The following P2RX7 variants were observed in gnomAD, a reference collection of about 807,000 sequenced individuals.
P2RX7 encodes purinergic receptor P2X 7.
P2RX7 carries 62 observed loss-of-function variants against 71.6 expected under a neutral mutation model. The ratio of observed to expected loss-of-function variants is 0.87; its 90% CI spans 0.71 to 1.07. The LOEUF (loss-of-function observed/expected upper bound fraction) is 1.07, where lower values mean the gene tolerates loss of function less well. P2RX7 is among the 50% of genes least tolerant of loss of function. The probability of loss-of-function intolerance (pLI) is 0.00; values close to 1 mark genes in which losing one functional copy is unlikely to be tolerated. For synonymous variants in P2RX7, 299 were observed against 283.3 expected, an observed-to-expected ratio of 1.06 and a Z score of -0.56; for missense variants, 686 against 748.5, an observed-to-expected ratio of 0.92 and a Z score of 0.97.
intron 1 of P2RX7, among the ~76,000 whole-genome samples, chr12:121,142,423 T>G (rs1875113594): frequency 6.6e-6 from 1 of 152,124 alleles, no homozygotes; most frequent in East Asian, 1.9e-4. Context: ...ACACAACGCA[T>G]TGTTCTCATG....
chr12:121,144,466 G>A (rs1265798461), intron 1 of P2RX7, among the ~76,000 whole-genome samples: 1 of 152,170 alleles, frequency 6.6e-6, no homozygotes. Context: ...CCAAAGTTCT[G>A]GGATTACAGG....
chr12:121,185,862 A>T lies in P2RX7; in HGVS notation c.*1060A>T, dbSNP rs201693411. ...CTTAAAGTCAGGAGTCCAAGACCAG[A>T]CTCGCCAACATGGTGAAACCGTATC... On this transcript the variant is annotated 3_prime_UTR_variant, in exon 13 of 13. Transcript: ENST00000328963. 1.4e-4 allele frequency: 21 copies of T among 151,968 alleles called. No individual in the cohort carries two copies. Among genetic ancestry groups the T allele is most frequent in the African/African-American group, 4.6e-4 (19 of 41,328 alleles). The allele number at this position is 151,968 out of a possible 1,614,324, so 9.4% of individuals were successfully genotyped here. A position where few individuals can be genotyped will look rare whatever the true frequency, so the allele number is the denominator to read the frequency against.
chr12:121,184,508 C>T lies in P2RX7; in HGVS notation c.1494C>T (p.Cys498=), dbSNP rs1295253883. ...PESHRCLEEL[C]CRKKPGACIT... is the part of the protein sequence containing the mutation. Reference sequence around the variant, plus strand: ...GCCACAGGTGCCTGGAGGAGCTGTGCTGCCGGAAAAAGCCGGGGGCCTGCA... The same window carrying T: ...GCCACAGGTGCCTGGAGGAGCTGTGTTGCCGGAAAAAGCCGGGGGCCTGCA... Residue 498 remains cysteine, a synonymous_variant, in exon 13 of 13, where the codon TGC becomes TGT. Coordinates refer to ENST00000328963, the MANE Select transcript of P2RX7 (RefSeq NM_002562.6). 6.2e-7 allele frequency: 1 copy of T among 1,614,200 alleles called. No individual in the cohort carries two copies. The highest frequency in any genetic ancestry group is 8.5e-7 in the Non-Finnish European group (1 of 1,180,030).
At chr12:121,164,834 A>G (rs528050840) in intron 5 of P2RX7, among the ~76,000 whole-genome samples, 30 of 152,032 alleles carry the variant, frequency 2.0e-4, no homozygotes, top group African/African-American at 7.0e-4. Flanking sequence ...ATACTTTACG[A>G]AAAAAAAGAG....
intron 1 of P2RX7, among the ~76,000 whole-genome samples, chr12:121,138,363 T>C (rs541636760): frequency 6.6e-6 from 1 of 152,374 alleles, no homozygotes; most frequent in Non-Finnish European, 1.5e-5. Context: ...AACAAGTCTT[T>C]CCTGATAGCT....
intron 5 of P2RX7, among the ~76,000 whole-genome samples, chr12:121,163,504 C>T (rs922536605): frequency 4.0e-5 from 6 of 151,752 alleles, no homozygotes; most frequent in Admixed American, 3.3e-4. Context: ...CTATTGAGTA[C>T]ATGAAATGCG....
intron 3 of P2RX7, among the ~76,000 whole-genome samples, chr12:121,157,420 A>G (rs1246296392): frequency 6.6e-6 from 1 of 152,232 alleles, no homozygotes; most frequent in East Asian, 1.9e-4. Context: ...CACTCCGTCT[A>G]AAAGGAGAGC....
chr12:121,173,891 C>T (rs1882618869), intron 8 of P2RX7, among the ~76,000 whole-genome samples: 1 of 152,086 alleles, frequency 6.6e-6, no homozygotes, highest in African/African-American at 2.4e-5. Flanking sequence ...ACAACTTCAG[C>T]CTTGGGAGGC....
chr12:121,169,620 G>C (rs1326563411), intron 8 of P2RX7, among the ~76,000 whole-genome samples: 2 of 152,124 alleles, frequency 1.3e-5, no homozygotes, highest in African/African-American at 2.4e-5. Flanking sequence ...TAAAACTTGA[G>C]ACAGGCCAGG....
At chr12:121,136,111 TTA>T (rs1335629514) in intron 1 of P2RX7, among the ~76,000 whole-genome samples, 1 of 143,822 alleles carries the variant, frequency 7.0e-6, no homozygotes, top group Non-Finnish European at 1.5e-5. Context: ...TTTTATATAT[TTA>T]TATATATTTA....
intron 11 of P2RX7, among the ~76,000 whole-genome samples, chr12:121,179,936 G>A (rs1001531408): frequency 1.3e-5 from 2 of 151,810 alleles, no homozygotes; most frequent in Non-Finnish European, 2.9e-5. Context: ...GATCAACTGA[G>A]GTCAGGAGTT....
In P2RX7 at chr12:121,162,530, A is replaced by T; in HGVS notation, c.533+10A>T. Reference sequence around the variant, plus strand: ...TGGAAGAGGCCCCCCGGTGAGTCGCATGGGGAGACAGACACAGTGGCCCTC... The same window carrying T: ...TGGAAGAGGCCCCCCGGTGAGTCGCTTGGGGAGACAGACACAGTGGCCCTC... On this transcript the variant is annotated intron_variant, in intron 5 of 12. Transcript: ENST00000328963. 6.2e-7 allele frequency: 1 copy of T among 1,611,350 alleles called. No individual in the cohort carries two copies. Among genetic ancestry groups the T allele is most frequent in the Non-Finnish European group, 8.5e-7 (1 of 1,179,874 alleles).
intron 5 of P2RX7, among the ~76,000 whole-genome samples, chr12:121,163,865 C>T (rs1429092995): frequency 1.3e-5 from 2 of 152,170 alleles, no homozygotes; most frequent in Non-Finnish European, 2.9e-5. Context: ...CCCTCAGCAT[C>T]GTGGGGCAAA....
chr12:121,163,696 G>A (rs555401915), intron 5 of P2RX7, among the ~76,000 whole-genome samples: 8 of 152,220 alleles, frequency 5.3e-5, no homozygotes, highest in East Asian at 3.9e-4. Flanking sequence ...GGGCTCAAGC[G>A]ATCCTCCTGC....
At chr12:121,144,399 T>C (rs1311387183) in intron 1 of P2RX7, among the ~76,000 whole-genome samples, 2 of 152,226 alleles carry the variant, frequency 1.3e-5, no homozygotes, top group Non-Finnish European at 2.9e-5. Context: ...GGTCTCACCA[T>C]GTTGGCCAAG....
intron 2 of P2RX7, 73 bp downstream of exon 2, chr12:121,155,026 GAT>G: frequency 6.3e-7 from 1 of 1,586,416 alleles, no homozygotes. Flanking sequence ...CTTCCCCTAG[GAT>G]CTACAGCCTC....
At position 121,155,456 on chromosome 12, in the gene P2RX7, G is replaced by T. The variant is rs1429153933; in HGVS notation, c.294+503G>T. Reference sequence around the variant, plus strand: ...ACTGAGAGAAGGCGTGTGACTTCTAGATTTGCAAGCAGGGAAAATGAAAGC... The same window carrying T: ...ACTGAGAGAAGGCGTGTGACTTCTATATTTGCAAGCAGGGAAAATGAAAGC... On this transcript the variant is annotated intron_variant, in intron 2 of 12. Coordinates refer to ENST00000328963, the MANE Select transcript of P2RX7 (RefSeq NM_002562.6). 3.4e-5 allele frequency: 39 copies of T among 1,157,434 alleles called. 1 individual carries two copies. The highest frequency in any genetic ancestry group is 4.4e-5 in the Non-Finnish European group (38 of 871,012). The allele number at this position is 1,157,434 out of a possible 1,614,324, so 71.7% of individuals were successfully genotyped here. A position where few individuals can be genotyped will look rare whatever the true frequency, so the allele number is the denominator to read the frequency against.
At chr12:121,167,878 T>A (rs1701243101) in intron 8 of P2RX7, among the ~76,000 whole-genome samples, 1 of 151,830 alleles carries the variant, frequency 6.6e-6, no homozygotes, top group Admixed American at 6.6e-5. Context: ...AGTGGCGCCA[T>A]CTCAGTCACT....
chr12:121,144,936 G>A (rs1460463274), intron 1 of P2RX7, among the ~76,000 whole-genome samples: 1 of 152,170 alleles, frequency 6.6e-6, no homozygotes, highest in Non-Finnish European at 1.5e-5. Flanking sequence ...AGCCAATTTG[G>A]GGTGGAAGAT....
Sources: allele counts gnomAD v4.1 joint callset (sites outside exome capture counted in the v4.1 genomes callset), GRCh38; gene constraint gnomAD v4.1.1; transcripts MANE v1.5; gene names NCBI Gene and HGNC (gene_info 2026-07-23, HGNC 2026-07-21).